MYBPC3: variants seen among roughly 807,000 people sequenced by gnomAD.
MYBPC3 encodes the protein myosin-binding protein C, cardiac-type.
MYBPC3 carries 108 observed loss-of-function variants against 159.3 expected under a neutral mutation model. That is an observed-to-expected ratio of 0.68 (90% CI 0.58 to 0.80). The LOEUF is 0.80. MYBPC3 is among the 30% of genes least tolerant of loss of function. The pLI is 0.00. For missense variants in MYBPC3, 1,631 were observed against 1,762.1 expected, an observed-to-expected ratio of 0.93 and a Z score of 1.33; for synonymous variants, 730 against 702.0, an observed-to-expected ratio of 1.04 and a Z score of -0.63.
chr11:47,337,200 C>G (rs1051099546), intron 25 of MYBPC3, among the ~76,000 whole-genome samples, 191 bp downstream of exon 25: 8 of 152,182 alleles, frequency 5.3e-5, no homozygotes, highest in Admixed American at 2.0e-4. Context: ...GCTGGGAGAT[C>G]TCAAGCAGGT....
At chr11:47,340,946 C>A in intron 20 of MYBPC3, 57 bp downstream of exon 20, 3 of 1,476,218 alleles carry the variant, frequency 2.0e-6, no homozygotes, top group Non-Finnish European at 2.7e-6. Context: ...GGGAGGCCTG[C>A]GTGGGTGGGT....
At position 47,333,434 on chromosome 11, in the gene MYBPC3, C is replaced by T. The variant is rs2095879276; in HGVS notation, c.3191-101G>A. 1.0e-5 allele frequency: 15 copies of T among 1,507,020 alleles called. No individual in the cohort carries two copies. In the East Asian group the frequency reaches 3.6e-4, roughly 36 times the overall value. 93.4% of individuals were successfully genotyped at this position (1,507,020 alleles called of 1,614,324 possible). A position where few individuals can be genotyped will look rare whatever the true frequency, so the allele number is the denominator to read the frequency against. ...CCACCCCTGCCAACCAGGGCCAGGC[C>T]TGCTGGGGCAGTGGACTGGAAAATG... On this transcript the variant is annotated intron_variant, in intron 29 of 34. Coordinates refer to ENST00000545968, the MANE Select transcript of MYBPC3 (RefSeq NM_000256.3).
chr11:47,341,998 T>C lies in MYBPC3; in HGVS notation c.1783A>G (p.Ile595Val), dbSNP rs730880550. Reference sequence around the variant, plus strand: ...CCTGCCCTGCACACTCACCGCCCGATGTGGGACACCTTTATGCGGCTGTCG... The same window carrying C: ...CCTGCCCTGCACACTCACCGCCCGACGTGGGACACCTTTATGCGGCTGTCG... The part of the protein sequence containing the change: ...VPDSRIKVSH[I>V]GRVHKLTIDD... The change falls in exon 18 of 35, where the codon ATC becomes GTC. Residue 595 changes from isoleucine (I) to valine (V), a missense_variant. By Grantham distance (29) the Ile-to-Val change is conservative. Coordinates refer to ENST00000545968, the MANE Select transcript of MYBPC3 (RefSeq NM_000256.3). The C allele has an allele frequency of 7.7e-6, 12 of 1,566,304 alleles. No individual in the cohort carries two copies. The highest frequency in any genetic ancestry group is 1.0e-5 in the Non-Finnish European group (12 of 1,154,668).
intron 4 of MYBPC3, 33 bp downstream of exon 4, chr11:47,349,981 A>C (rs1595849827): frequency 3.2e-6 from 5 of 1,556,070 alleles, no homozygotes; most frequent in African/African-American, 2.8e-5. Flanking sequence ...CCCCCTTCCC[A>C]CCCCAATGCT....
intron 14 of MYBPC3, 50 bp downstream of exon 14, chr11:47,343,210 C>A: frequency 6.3e-7 from 1 of 1,585,084 alleles, no homozygotes; most frequent in East Asian, 2.3e-5. Flanking sequence ...CAGTGCGCCC[C>A]ATGATAATCC....
In MYBPC3 at chr11:47,350,072, G is replaced by A; in HGVS notation, c.447C>T (p.Ala149=). The A allele has an allele frequency of 6.4e-7, 1 of 1,562,090 alleles. No individual in the cohort carries two copies. Among genetic ancestry groups the A allele is most frequent in the Non-Finnish European group, 8.7e-7 (1 of 1,152,850 alleles). ...SAALNGPTPG[A]PDDPIGLFVM... ...CGAAGAGGCCAATGGGGTCATCGGG[G>A]GCTCCAGGGGTAGGACCATTGAGAG... Residue 149 remains alanine (A), a synonymous_variant, in exon 4 of 35, where the codon GCC becomes GCT. Transcript: ENST00000545968.
chr11:47,348,555 G>C lies in MYBPC3; in HGVS notation c.655-14C>G, dbSNP rs1203702867. On this transcript the variant is annotated splice_polypyrimidine_tract_variant and intron_variant, in intron 5 of 34. Transcript: ENST00000545968. ...GAACAGATAGACCTGTGTGCATGGA[G>C]GGACGGGGCGTCAGGGGACACCAGG... is the stretch of plus-strand genomic sequence containing the variant. 3 of 1,597,306 alleles carry C rather than the reference G, an allele frequency of 1.9e-6. No homozygotes were observed. In the South Asian group the frequency reaches 3.4e-5, roughly 18 times the overall value.
Position 47,333,312 on chromosome 11 carries a change from T to A in MYBPC3, c.3212A>T (p.Asp1071Val), listed in dbSNP as rs1445937499. Residue 1071 changes from aspartate to valine, a missense_variant, in exon 30 of 35, where the codon GAT becomes GTT. Coordinates refer to ENST00000545968, the MANE Select transcript of MYBPC3 (RefSeq NM_000256.3). Reference sequence around the variant, plus strand: ...ACCCCAGGCGTCAGTCACCCGGAGATCCTGGGGAGGACTTGGCTTGTCTGC... The same window carrying A: ...ACCCCAGGCGTCAGTCACCCGGAGAACCTGGGGAGGACTTGGCTTGTCTGC... Reference protein sequence around the residue: ...QVVDKPSPPQDLRVTDAWGLN... With the variant: ...QVVDKPSPPQVLRVTDAWGLN... The A allele has an allele frequency of 1.3e-6, 2 of 1,586,428 alleles. No individual in the cohort carries two copies. Among genetic ancestry groups the A allele is most frequent in the Non-Finnish European group, 1.7e-6 (2 of 1,165,224 alleles).
At chr11:47,348,905 A>G (rs1280943412) in intron 5 of MYBPC3, among the ~76,000 whole-genome samples, 1 of 2,038 alleles carries the variant, frequency 4.9e-4, no homozygotes, top group East Asian at 0.02. Context: ...ACCCTGTCTC[A>G]AATTATATAT....
chr11:47,341,570 C>T (rs1227319618), intron 18 of MYBPC3, among the ~76,000 whole-genome samples: 2 of 152,136 alleles, frequency 1.3e-5, no homozygotes, highest in East Asian at 1.9e-4. Context: ...AGCAAGAGGG[C>T]GGGAGAGGCA....
At position 47,342,170 on chromosome 11, in the gene MYBPC3, C is replaced by A. The variant is rs2095889357; in HGVS notation, c.1625-14G>T. 2 of 1,612,856 alleles carry A rather than the reference C, an allele frequency of 1.2e-6. No individual in the cohort carries two copies. Among genetic ancestry groups the A allele is most frequent in the Non-Finnish European group, 1.7e-6 (2 of 1,179,032 alleles). Reference sequence around the variant, plus strand: ...CCAGCTTCTTTTCTGCAGGGCAGGGCAGAGCCATTGAGCTCGGGAGGGTGT... The same window carrying A: ...CCAGCTTCTTTTCTGCAGGGCAGGGAAGAGCCATTGAGCTCGGGAGGGTGT... On this transcript the variant is annotated splice_polypyrimidine_tract_variant and intron_variant, in intron 17 of 34. Coordinates refer to ENST00000545968, the MANE Select transcript of MYBPC3 (RefSeq NM_000256.3).
intron 18 of MYBPC3, 101 bp from the exon 19 acceptor site, chr11:47,341,345 G>A: frequency 4.8e-6 from 4 of 829,544 alleles, no homozygotes; most frequent in Non-Finnish European, 7.4e-6. Context: ...CCTTGTCCTG[G>A]CTTGTTGGTA....
In MYBPC3 at chr11:47,332,823, G is replaced by T; in HGVS notation, c.3481C>A (p.Pro1161Thr). 6.2e-7 allele frequency: 1 copy of T among 1,606,144 alleles called. No individual in the cohort carries two copies. Among genetic ancestry groups the T allele is most frequent in the East Asian group, 2.2e-5 (1 of 44,602 alleles). Residue 1161 changes from proline to threonine, a missense_variant, in exon 31 of 35, where the codon CCC becomes ACC. Pro to Thr is a conservative substitution (Grantham distance 38). Coordinates refer to ENST00000545968, the MANE Select transcript of MYBPC3 (RefSeq NM_000256.3). This position sits in a 1 kb window ranked among gnomAD's most constrained non-coding sequence, Gnocchi z 4.2. ...AATGAGGGTACAGCACCTGGTCTGGGGATAAAGACGGGCTCCTTGGTGGTG... is the reference window on the plus strand; with the variant it reads ...AATGAGGGTACAGCACCTGGTCTGGTGATAAAGACGGGCTCCTTGGTGGTG... ...AATTKEPVFIPRPGITYEPPN... is the reference protein window; with the variant it reads ...AATTKEPVFITRPGITYEPPN...
chr11:47,347,049 G>T lies in MYBPC3; in HGVS notation c.906-20C>A. ...TACTCTCTGGGCCACAGCAGCAGCA[G>T]CCATAATGGAGGGGCCGGGGGAGAG... On this transcript the variant is annotated intron_variant, in intron 9 of 34. Coordinates refer to ENST00000545968, the MANE Select transcript of MYBPC3 (RefSeq NM_000256.3). 1.2e-6 allele frequency: 1 copy of T among 825,626 alleles called. No individual in the cohort carries two copies. Among genetic ancestry groups the T allele is most frequent in the East Asian group, 2.4e-5 (1 of 41,418 alleles). The allele number at this position is 825,626 out of a possible 1,614,324, so 51.1% of individuals were successfully genotyped here.
chr11:47,341,195 AG>A lies in MYBPC3; in HGVS notation c.1839del (p.Tyr614ThrfsTer49), dbSNP rs2142859289. 1.9e-6 allele frequency: 3 copies of A among 1,596,608 alleles called. No homozygotes were observed. The highest frequency in any genetic ancestry group is 1.7e-5 in the Admixed American group (1 of 57,708). ...IDDVTPADEADYSFVPEGFAC... is the reference protein window; with the variant it reads ...IDDVTPADEAXYSFVPEGFAC... ...GCGAAGCCCTCGGGCACAAAGCTGTAGTCAGCCTCGTCGGCAGGTGTGACGT... is the reference window on the plus strand; with the variant it reads ...GCGAAGCCCTCGGGCACAAAGCTGTATCAGCCTCGTCGGCAGGTGTGACGT... On this transcript the variant is annotated frameshift_variant, in exon 19 of 35. Transcript: ENST00000545968. LOFTEE classifies it high-confidence loss of function.
Position 47,341,119 on chromosome 11 carries a change from T to C in MYBPC3, c.1897+19A>G. 2.3e-6 allele frequency: 2 copies of C among 880,360 alleles called. No individual in the cohort carries two copies. The highest frequency in any genetic ancestry group is 2.5e-4 in the Middle Eastern group (1 of 3,952). The allele number at this position is 880,360 out of a possible 1,614,324, so 54.5% of individuals were successfully genotyped here. On this transcript the variant is annotated intron_variant, in intron 19 of 34. Transcript: ENST00000545968. ...CTGGCCCCACTGCCCCGACCCACCC[T>C]ACCCTGGAGCAGGCTCACCCATGAA...
chr11:47,343,406 G>C, intron 13 of MYBPC3, 86 bp downstream of exon 13: 1 of 1,500,784 alleles, frequency 6.7e-7, no homozygotes, highest in Non-Finnish European at 8.9e-7. Context: ...CACCGAGTCA[G>C]AGATACGCAT....
Position 47,350,360 on chromosome 11 carries a change from C to T in MYBPC3, c.406+142G>A, listed in dbSNP as rs2095899400. 2.2e-6 allele frequency: 3 copies of T among 1,389,764 alleles called. No homozygotes were observed. In the African/African-American group the frequency reaches 4.4e-5, roughly 20 times the overall value. The allele number at this position is 1,389,764 out of a possible 1,614,324, so 86.1% of individuals were successfully genotyped here. On this transcript the variant is annotated intron_variant, in intron 3 of 34. Coordinates refer to ENST00000545968, the MANE Select transcript of MYBPC3 (RefSeq NM_000256.3). ...CAGGATGGTCTCAATCTCCTGACCT[C>T]ATGATCCGCCCACCTCGGCCTCCCA...
At position 47,335,147 on chromosome 11, in the gene MYBPC3, G is replaced by C. The variant is rs367980215; in HGVS notation, c.2800C>G (p.Leu934Val). ...AAAAGCAGCCGGGCCCCCGTGGGCA[G>C]GTCCTTCACCAGTATCGATGTGTGC... The part of the protein sequence containing the change: ...TEHTSILVKD[L>V]PTGARLLFRV... Residue 934 changes from leucine to valine, a missense_variant, in exon 27 of 35, where the codon CTG becomes GTG. Leu to Val is a conservative substitution (Grantham distance 32). Transcript: ENST00000545968. The C allele has an allele frequency of 6.2e-7, 1 of 1,612,894 alleles. No homozygotes were observed. Among genetic ancestry groups the C allele is most frequent in the Non-Finnish European group, 8.5e-7 (1 of 1,179,386 alleles).
Sources: gnomAD v4.1 joint callset for allele counts (sites outside exome capture counted in the v4.1 genomes callset) on GRCh38, gnomAD v4.1.1 for gene constraint, Gnocchi (gnomAD v3.1) non-coding constraint, MANE v1.5 for transcripts, NCBI Gene and HGNC (gene_info 2026-07-23, HGNC 2026-07-21) for gene names.